Variants in GLYATL1 observed in about 807,000 individuals in gnomAD.
GLYATL1 encodes glycine-N-acyltransferase like 1.
Under a neutral mutation model 20.0 loss-of-function variants are expected in GLYATL1, and 15 were observed. The observed-to-expected ratio is 0.75, with a 90% confidence interval of 0.50 to 1.15. The LOEUF is 1.15. GLYATL1 is among the 50% of genes most tolerant of loss of function. GLYATL1 has a pLI of 0.00. For synonymous variants in GLYATL1, 151 were observed against 131.5 expected (o/e 1.15, Z -1.01); for missense variants, 380 against 368.5 (o/e 1.03, Z -0.26).
exon 2 of GLYATL1, chr11:58,908,092 C>T (rs934154617): frequency 3.3e-5 from 5 of 152,376 alleles, no homozygotes; most frequent in Non-Finnish European, 4.4e-5. Context: ...CATCTCTGAT[C>T]CTCTGTGCTC....
chr11:58,925,441 C>T (rs1417914452), upstream of GLYATL1, among the ~76,000 whole-genome samples: 1 of 152,166 alleles, frequency 6.6e-6, no homozygotes, highest in Non-Finnish European at 1.5e-5. Context: ...GTTTTGTAAT[C>T]TTCCTTACTA....
At chr11:58,945,088 G>A (rs1173743130) in intron 2 of GLYATL1, among the ~76,000 whole-genome samples, 2 of 149,562 alleles carry the variant, frequency 1.3e-5, no homozygotes, top group African/African-American at 2.4e-5. Flanking sequence ...AGGGAGAGAG[G>A]GAATGAGTAA....
chr11:58,908,740 T>C (rs1854970305), downstream of GLYATL1: 1 of 152,200 alleles, frequency 6.6e-6, no homozygotes, highest in African/African-American at 2.4e-5. Context: ...TTAACAATGA[T>C]AAACATGTCT....
In GLYATL1 at chr11:58,954,129, G is replaced by C. The variant is rs117904228; in HGVS notation, c.187-641G>C. On this transcript the variant is annotated intron_variant, in intron 4 of 6. Transcript: ENST00000532726. Reference sequence around the variant, plus strand: ...CTCGTTAGTGTTTATATTCACTAAAGTATCTTGCTCAAGCCCTGGACACCG... The same window carrying C: ...CTCGTTAGTGTTTATATTCACTAAACTATCTTGCTCAAGCCCTGGACACCG... Among the ~76,000 whole-genome samples the C allele has an allele frequency of 6.8e-3, 1,029 of 152,326 alleles. 10 individuals carry two copies. The highest frequency in any genetic ancestry group is 8.7e-3 in the Non-Finnish European group (592 of 68,026).
intron 1 of GLYATL1, among the ~76,000 whole-genome samples, chr11:58,940,577 A>G (rs1206449077): frequency 1.3e-5 from 2 of 152,238 alleles, no homozygotes; most frequent in Admixed American, 6.5e-5. Flanking sequence ...AGTATTTTTC[A>G]TGTTCATGCT....
At chr11:58,944,702 A>G (rs1856439147) in intron 2 of GLYATL1, among the ~76,000 whole-genome samples, 1 of 152,154 alleles carries the variant, frequency 6.6e-6, no homozygotes, top group Non-Finnish European at 1.5e-5. Context: ...TTTACCCATT[A>G]TTCATTATAA....
At chr11:58,912,099 A>G (rs889210420), downstream of GLYATL1, among the ~76,000 whole-genome samples, 1 of 152,204 alleles carries the variant, frequency 6.6e-6, no homozygotes, top group African/African-American at 2.4e-5. Flanking sequence ...GAGTCTTCCA[A>G]TCTTGAACAA....
At chr11:58,911,921 A>C (rs1855054354), downstream of GLYATL1, among the ~76,000 whole-genome samples, 1 of 152,166 alleles carries the variant, frequency 6.6e-6, no homozygotes, top group South Asian at 2.1e-4. Context: ...AATCATTTCT[A>C]AGTTTTCTTC....
At chr11:58,920,034 C>T (rs753048246) in intron 1 of GLYATL1, among the ~76,000 whole-genome samples, 4 of 152,200 alleles carry the variant, frequency 2.6e-5, no homozygotes, top group Admixed American at 6.5e-5. Context: ...TTGGGGTCTC[C>T]GGGAGGAGGA....
chr11:58,927,452 C>T (rs1855453752), upstream of GLYATL1, among the ~76,000 whole-genome samples: 1 of 152,230 alleles, frequency 6.6e-6, no homozygotes, highest in South Asian at 2.1e-4. Context: ...AAAAGCGCTG[C>T]TTTTTGCCTG....
At chr11:58,913,735 G>A (rs1240538509) in intron 1 of GLYATL1, among the ~76,000 whole-genome samples, 2 of 152,216 alleles carry the variant, frequency 1.3e-5, no homozygotes, top group South Asian at 4.1e-4. Context: ...TTTTGGAAGT[G>A]GTCATAGTTG....
downstream of GLYATL1, among the ~76,000 whole-genome samples, chr11:58,909,674 T>G (rs1230221266): frequency 6.6e-6 from 1 of 152,178 alleles, no homozygotes; most frequent in Non-Finnish European, 1.5e-5. Flanking sequence ...TGATGGTATA[T>G]AAGGAGAATT....
At chr11:58,949,011 T>A (rs1856783905) in intron 4 of GLYATL1, among the ~76,000 whole-genome samples, 1 of 152,252 alleles carries the variant, frequency 6.6e-6, no homozygotes, top group Admixed American at 6.5e-5. Context: ...AGATACTGTA[T>A]GTTAAACACT....
chr11:58,927,624 G>C (rs777545456), upstream of GLYATL1: 22 of 152,292 alleles, frequency 1.4e-4, no homozygotes, highest in Non-Finnish European at 2.5e-4. Context: ...TGTGGGCGGA[G>C]TTTTAGTTTT....
chr11:58,936,054 A>C (rs984741368), upstream of GLYATL1, among the ~76,000 whole-genome samples: 10 of 152,218 alleles, frequency 6.6e-5, no homozygotes, highest in Admixed American at 6.5e-4. Flanking sequence ...AGATTTTCTG[A>C]TGATAAGTAT....
rs1329131879 is a variant in GLYATL1 at position 58,956,396 on chromosome 11, A to G, written c.*369A>G. On this transcript the variant is annotated 3_prime_UTR_variant, in exon 7 of 7. Transcript: ENST00000532726. ...AATGAAGGATTTTAATAAAATTTTC[A>G]ATAGAATAAACCTAATCTGTATGGA... The G allele has an allele frequency of 9.3e-6, 2 of 215,906 alleles. No individual in the cohort carries two copies. The highest frequency in any genetic ancestry group is 4.6e-5 in the African/African-American group (2 of 43,946). The allele number at this position is 215,906 out of a possible 1,614,324, so 13.4% of individuals were successfully genotyped here. A position where few individuals can be genotyped will look rare whatever the true frequency, so the allele number is the denominator to read the frequency against.
At chr11:58,938,281 G>A (rs1855926513), upstream of GLYATL1, among the ~76,000 whole-genome samples, 1 of 152,088 alleles carries the variant, frequency 6.6e-6, no homozygotes, top group African/African-American at 2.4e-5. Flanking sequence ...TTTTGAAAGT[G>A]GGGCCATGCC....
At chr11:58,910,981 T>C (rs140532042), downstream of GLYATL1, among the ~76,000 whole-genome samples, 4 of 152,302 alleles carry the variant, frequency 2.6e-5, no homozygotes, top group East Asian at 7.7e-4. Context: ...GCTCCCCACT[T>C]ATCCCCTATT....
At position 58,920,486 on chromosome 11, in the gene GLYATL1, C is replaced by T. The variant is rs573949932; in HGVS notation, n.264+14825C>T. On this transcript the variant is annotated intron_variant and non_coding_transcript_variant, in intron 1 of 2. Coordinates refer to the GLYATL1 transcript ENST00000534674. Reference sequence around the variant, plus strand: ...TCCAAAGTCACCACTGCATGCCCCTCTTGGCGTACTCCCTCTAGTATGAAA... The same window carrying T: ...TCCAAAGTCACCACTGCATGCCCCTTTTGGCGTACTCCCTCTAGTATGAAA... Among the ~76,000 whole-genome samples the T allele has an allele frequency of 2.0e-5, 3 of 152,294 alleles. No individual in the cohort carries two copies. In the South Asian group the frequency reaches 6.2e-4, roughly 32 times the overall value.
Sources: gnomAD v4.1 joint callset for allele counts (sites outside exome capture counted in the v4.1 genomes callset) on GRCh38, gnomAD v4.1.1 for gene constraint, MANE v1.5 for transcripts, NCBI Gene and HGNC (gene_info 2026-07-23, HGNC 2026-07-21) for gene names.